The following LRRC4C variants were observed in gnomAD, a reference collection of about 807,000 sequenced individuals.
LRRC4C encodes the protein leucine rich repeat containing 4C, also known as leucine-rich repeat-containing protein 4C.
Under a neutral mutation model 33.6 loss-of-function variants are expected in LRRC4C, and 5 were observed. The ratio of observed to expected loss-of-function variants is 0.15; its 90% CI spans 0.08 to 0.31. The LOEUF is 0.31. Ranked by LOEUF, LRRC4C falls within the 10% of genes least tolerant of loss-of-function variation. LRRC4C has a pLI of 1.00. For synonymous variants in LRRC4C, 329 were observed against 302.0 expected (o/e 1.09, Z -0.93); for missense variants, 560 against 796.7 (o/e 0.70, Z 3.58).
At chr11:40,254,834 G>A (rs2136208034) in intron 4 of LRRC4C, among the ~76,000 whole-genome samples, 1 of 152,124 alleles carries the variant, frequency 6.6e-6, no homozygotes, top group African/African-American at 2.4e-5. Flanking sequence ...TTAGGGACAG[G>A]ATCTCACTCT....
chr11:40,271,831 T>A (rs1942723998), intron 4 of LRRC4C, among the ~76,000 whole-genome samples: 1 of 152,194 alleles, frequency 6.6e-6, no homozygotes, highest in Non-Finnish European at 1.5e-5. Context: ...GGGAGACACA[T>A]AGTAACATTT....
intron 1 of LRRC4C, among the ~76,000 whole-genome samples, chr11:41,104,073 A>G (rs563340674): frequency 1.3e-5 from 2 of 152,090 alleles, no homozygotes; most frequent in Non-Finnish European, 2.9e-5. Flanking sequence ...GATACAACAC[A>G]TGAGCACATA....
At chr11:41,324,263 T>C (rs1951041799) in intron 1 of LRRC4C, among the ~76,000 whole-genome samples, 1 of 152,054 alleles carries the variant, frequency 6.6e-6, no homozygotes, top group Non-Finnish European at 1.5e-5. Flanking sequence ...AAACCCAGTC[T>C]CTACTAAAAA....
intron 5 of LRRC4C, among the ~76,000 whole-genome samples, chr11:40,161,493 C>A (rs1302316990): frequency 6.6e-6 from 1 of 152,158 alleles, no homozygotes; most frequent in African/African-American, 2.4e-5. Context: ...GTCGCTCATG[C>A]CTGTGATCCT....
At chr11:40,768,081 G>T (rs1949563891) in intron 2 of LRRC4C, among the ~76,000 whole-genome samples, 1 of 151,812 alleles carries the variant, frequency 6.6e-6, no homozygotes, top group South Asian at 2.1e-4. Context: ...CCTTTAGCCA[G>T]ACTGATAAAT....
chr11:40,632,576 ACT>A (rs965756248), intron 3 of LRRC4C, among the ~76,000 whole-genome samples: 1 of 152,198 alleles, frequency 6.6e-6, no homozygotes, highest in Admixed American at 6.5e-5. Context: ...ATGAGAAGAC[ACT>A]CTGCATTTTA....
intron 5 of LRRC4C, among the ~76,000 whole-genome samples, chr11:40,231,511 T>C (rs949455659): frequency 6.6e-5 from 10 of 152,220 alleles, no homozygotes; most frequent in African/African-American, 2.4e-4. Context: ...TTTAATTATA[T>C]CTGCCTATTT....
chr11:41,144,751 C>A (rs1433052710), intron 1 of LRRC4C, among the ~76,000 whole-genome samples: 3 of 152,078 alleles, frequency 2.0e-5, no homozygotes, highest in East Asian at 3.9e-4. Context: ...ACTCAATTAC[C>A]CATTGCTGCC....
At chr11:40,759,895 A>T (rs1408765742) in intron 2 of LRRC4C, among the ~76,000 whole-genome samples, 2 of 151,130 alleles carry the variant, frequency 1.3e-5, no homozygotes, top group Non-Finnish European at 3.0e-5. Context: ...CTGAGAGTTA[A>T]AAAAAAATAG....
At chr11:40,602,383 G>T (rs1035740288) in intron 3 of LRRC4C, among the ~76,000 whole-genome samples, 44 of 152,136 alleles carry the variant, frequency 2.9e-4, no homozygotes, top group Middle Eastern at 3.4e-3. Flanking sequence ...TTTGAAAAAG[G>T]TGAATATCCA....
intron 1 of LRRC4C, among the ~76,000 whole-genome samples, chr11:40,959,553 G>T (rs1959107491): frequency 6.6e-6 from 1 of 151,608 alleles, no homozygotes; most frequent in South Asian, 2.1e-4. Context: ...TTAAGTTTGT[G>T]GTTAAGTACA....
chr11:41,027,709 C>A (rs192985406), intron 1 of LRRC4C, among the ~76,000 whole-genome samples: 1 of 151,702 alleles, frequency 6.6e-6, no homozygotes, highest in East Asian at 1.9e-4. Context: ...TTCCTAAAGA[C>A]AGAGTAATAG....
intron 3 of LRRC4C, among the ~76,000 whole-genome samples, chr11:40,450,560 T>C (rs1427948325): frequency 1.3e-5 from 2 of 152,154 alleles, no homozygotes; most frequent in Admixed American, 1.3e-4. Flanking sequence ...TTCTGATGCA[T>C]ATGTAAGTAG....
At chr11:41,280,652 C>A (rs1949633942) in intron 1 of LRRC4C, among the ~76,000 whole-genome samples, 1 of 152,102 alleles carries the variant, frequency 6.6e-6, no homozygotes, top group Non-Finnish European at 1.5e-5. Flanking sequence ...GTCAGATAAT[C>A]AAAGACTAAG....
intron 1 of LRRC4C, among the ~76,000 whole-genome samples, chr11:41,119,882 T>G: frequency 6.6e-6 from 1 of 152,174 alleles, no homozygotes; most frequent in Middle Eastern, 3.2e-3. Flanking sequence ...AACGCTGAAC[T>G]TTCAGTTTTT....
At chr11:40,250,372 T>C (rs998925772) in intron 4 of LRRC4C, among the ~76,000 whole-genome samples, 3 of 152,184 alleles carry the variant, frequency 2.0e-5, no homozygotes, top group Non-Finnish European at 4.4e-5. Context: ...TTCAGAACAC[T>C]GACTTCTATT....
chr11:41,000,284 C>T (rs1592301554), intron 1 of LRRC4C, among the ~76,000 whole-genome samples: 3 of 151,872 alleles, frequency 2.0e-5, no homozygotes, highest in South Asian at 4.1e-4. Context: ...TCATCCCATG[C>T]GGAGAATGAA....
intron 5 of LRRC4C, among the ~76,000 whole-genome samples, chr11:40,193,714 G>T (rs1361516688): frequency 6.6e-6 from 1 of 152,028 alleles, no homozygotes; most frequent in Non-Finnish European, 1.5e-5. Context: ...CTTGATATGA[G>T]GTTACAGGAA....
intron 2 of LRRC4C, among the ~76,000 whole-genome samples, chr11:40,862,455 A>G (rs1301862659): frequency 6.6e-6 from 1 of 152,250 alleles, no homozygotes; most frequent in East Asian, 1.9e-4. Flanking sequence ...CATTTACTAA[A>G]GTAAGACATT....
Sources: allele counts gnomAD v4.1 joint callset (sites outside exome capture counted in the v4.1 genomes callset), GRCh38; gene constraint gnomAD v4.1.1; transcripts MANE v1.5; gene names NCBI Gene and HGNC (gene_info 2026-07-23, HGNC 2026-07-21).